Variants in LRP1B observed in about 807,000 individuals in gnomAD.
LRP1B encodes the protein LDL receptor related protein 1B.
A neutral mutation model predicts 556.6 loss-of-function variants in LRP1B; 217 were observed. The ratio of observed to expected loss-of-function variants is 0.39; its 90% CI spans 0.35 to 0.44. LRP1B has a LOEUF of 0.44. Among genes scored for constraint, LRP1B ranks in the 20% least tolerant of loss-of-function variants. The pLI is 1.00. For missense variants in LRP1B, 5,053 were observed against 5,620.8 expected (o/e 0.90, Z 3.23); for synonymous variants, 2,047 against 1,865.8 (o/e 1.10, Z -2.50).
At chr2:140,246,457 A>G (rs1251062066) in intron 87 of LRP1B, among the ~76,000 whole-genome samples, 1 of 151,430 alleles carries the variant, frequency 6.6e-6, no homozygotes, top group Non-Finnish European at 1.5e-5. Context: ...AACTGTACAC[A>G]GACACACAAC....
rs1312300323 is a variant in LRP1B, at chr2:141,185,678, AC to A, written c.1013+2742del. Among the ~76,000 whole-genome samples, 5 of 70,932 alleles carry A rather than the reference AC, an allele frequency of 7.0e-5. No homozygotes were observed. The East Asian group carries it at 1.6e-3, about 23-fold the overall frequency. 46.5% of individuals were successfully genotyped at this position (70,932 alleles called of 152,430 possible). The stretch of plus-strand genomic sequence containing the variant: ...TATTTAAACCATGGAGAACTGAAAA[AC>A]AAACAAACAAAAAAAAACAAAAAAA... On this transcript the variant is annotated intron_variant, in intron 7 of 90. Transcript: ENST00000389484.
At chr2:141,776,454 T>C (rs16847146) in intron 2 of LRP1B, among the ~76,000 whole-genome samples, 32,105 of 152,136 alleles carry the variant, frequency 0.21, 3,712 homozygotes, top group African/African-American at 0.32. Flanking sequence ...ATTAATATGA[T>C]ATTGTTTTGT....
At chr2:141,398,604 A>G (rs1041960562) in intron 3 of LRP1B, among the ~76,000 whole-genome samples, 2 of 152,202 alleles carry the variant, frequency 1.3e-5, no homozygotes, top group Non-Finnish European at 2.9e-5. Flanking sequence ...CTCTGTGGCT[A>G]ACATGAGACT....
chr2:141,753,764 C>T (rs1436824388), intron 2 of LRP1B, among the ~76,000 whole-genome samples: 1 of 152,118 alleles, frequency 6.6e-6, no homozygotes, highest in African/African-American at 2.4e-5. Context: ...GCTAAAGTTG[C>T]CCCTCAGTGC....
intron 66 of LRP1B, among the ~76,000 whole-genome samples, chr2:140,388,095 C>T (rs569583562): frequency 1.3e-5 from 2 of 152,144 alleles, no homozygotes; most frequent in East Asian, 3.9e-4. Flanking sequence ...CGCCACCATA[C>T]CCGGCTAATT....
intron 19 of LRP1B, among the ~76,000 whole-genome samples, chr2:140,950,774 G>A (rs1293500674): frequency 6.6e-6 from 1 of 151,748 alleles, no homozygotes; most frequent in East Asian, 1.9e-4. Flanking sequence ...TTATAGACGT[G>A]AGCCACTGTG....
chr2:141,517,635 T>G (rs1388851030), intron 2 of LRP1B, among the ~76,000 whole-genome samples: 1 of 152,124 alleles, frequency 6.6e-6, no homozygotes, highest in African/African-American at 2.4e-5. Context: ...AAAAAATAAA[T>G]AACATTGTAA....
At chr2:140,593,480 T>C (rs1682309054) in intron 43 of LRP1B, among the ~76,000 whole-genome samples, 2 of 152,092 alleles carry the variant, frequency 1.3e-5, no homozygotes, top group Non-Finnish European at 2.9e-5. Flanking sequence ...AAAGAAACAT[T>C]ACAGAATTAT....
rs182108418 is a variant in LRP1B, at chr2:141,554,843, C to G, written c.206-74310G>C. Among the ~76,000 whole-genome samples the G allele has an allele frequency of 2.8e-3, 420 of 152,048 alleles. 1 individual carries two copies. The highest frequency in any genetic ancestry group is 4.5e-3 in the Admixed American group (68 of 15,216). ...GACCTGCAGCACCTGCATCACTGTG[C>G]TTGTTAGGAATGCAAATTCTTGAGT... On this transcript the variant is annotated intron_variant, in intron 2 of 90. Coordinates refer to ENST00000389484, the MANE Select transcript of LRP1B (RefSeq NM_018557.3).
chr2:141,438,173 A>C (rs772407186), intron 3 of LRP1B, among the ~76,000 whole-genome samples: 12 of 152,136 alleles, frequency 7.9e-5, no homozygotes, highest in Non-Finnish European at 8.8e-5. Flanking sequence ...GAGTTTAAAC[A>C]TATCAGGATA....
Position 141,062,239 on chromosome 2 carries a change from T to C in LRP1B, c.1048A>G (p.Lys350Glu), listed in dbSNP as rs767058048. Residue 350 changes from lysine to glutamate, a missense_variant, in exon 8 of 91, where the codon AAA (lysine) becomes GAA (glutamate). This residue lies in a region of LRP1B where 3,619 missense variants were observed against 3,931.9 expected (regional missense o/e 0.92). Transcript: ENST00000389484. ...LFFTDYGNVA[K>E]VERCDMDGMN... is the part of the protein sequence containing the mutation. ...CCATCCATGTCACATCTCTCCACTT[T>C]GGCGACATTCCCGTAGTCAGTAAAG... 4.4e-5 allele frequency: 71 copies of C among 1,610,970 alleles called. No individual in the cohort carries two copies. In the Admixed American group the frequency reaches 1.2e-3, roughly 27 times the overall value.
At position 141,324,028 on chromosome 2, in the gene LRP1B, CCACACACA is replaced by C. The variant is rs57105906; in HGVS notation, c.344-69395_344-69388del. On this transcript the variant is annotated intron_variant, in intron 3 of 90. Transcript: ENST00000389484. ...ACACACACACACCTGAACAAGGAAA[CCACACACA>C]CACACACACACACACACACACACCT... Among the ~76,000 whole-genome samples the C allele has an allele frequency of 9.9e-3, 1,116 of 113,118 alleles. 17 individuals are homozygous for C. Among genetic ancestry groups the C allele is most frequent in the African/African-American group, 0.031 (900 of 28,584 alleles). The allele number at this position is 113,118 out of a possible 152,430, so 74.2% of individuals were successfully genotyped here. A position where few individuals can be genotyped will look rare whatever the true frequency, so the allele number is the denominator to read the frequency against.
chr2:140,752,322 CTTTTT>C (rs34686176), intron 35 of LRP1B, among the ~76,000 whole-genome samples: 1 of 135,996 alleles, frequency 7.4e-6, no homozygotes, highest in Non-Finnish European at 1.5e-5. Context: ...ACTTAAAATA[CTTTTT>C]TTTTTTTTTT....
chr2:140,998,078 A>G (rs184290528), intron 15 of LRP1B, among the ~76,000 whole-genome samples: 43 of 152,152 alleles, frequency 2.8e-4, no homozygotes, highest in African/African-American at 9.4e-4. Context: ...TGTCACAGCC[A>G]AGCAGATAAA....
At chr2:140,674,314 A>G (rs1328542060) in intron 41 of LRP1B, among the ~76,000 whole-genome samples, 2 of 152,178 alleles carry the variant, frequency 1.3e-5, no homozygotes, top group Non-Finnish European at 2.9e-5. Context: ...CTCTTTCTCC[A>G]TTCAGGCCCT....
At chr2:140,634,795 A>T (rs922022454) in intron 41 of LRP1B, among the ~76,000 whole-genome samples, 1 of 152,110 alleles carries the variant, frequency 6.6e-6, no homozygotes. Context: ...TAAGCCATCA[A>T]AAACAAGGAA....
intron 1 of LRP1B, among the ~76,000 whole-genome samples, chr2:141,826,452 T>C (rs532040653): frequency 2.1e-3 from 303 of 142,742 alleles, no homozygotes; most frequent in Non-Finnish European, 3.2e-3. Flanking sequence ...CTCCGCCTCC[T>C]GGGTTCACGC....
At chr2:140,820,922 AAAAAAG>A (rs1691306938) in intron 31 of LRP1B, among the ~76,000 whole-genome samples, 1 of 151,758 alleles carries the variant, frequency 6.6e-6, no homozygotes, top group South Asian at 2.1e-4. Flanking sequence ...TAAAAAAAAA[AAAAAAG>A]TATTTTTTTT....
intron 35 of LRP1B, among the ~76,000 whole-genome samples, chr2:140,760,229 T>G (rs1320933515): frequency 6.6e-6 from 1 of 152,054 alleles, no homozygotes; most frequent in Non-Finnish European, 1.5e-5. Context: ...TAATCTTAGA[T>G]TTTGCCCTGC....
Sources: allele counts gnomAD v4.1 joint callset (sites outside exome capture counted in the v4.1 genomes callset), GRCh38; gene constraint gnomAD v4.1.1; regional missense constraint gnomAD v4.1.1; transcripts MANE v1.5; gene names NCBI Gene and HGNC (gene_info 2026-07-23, HGNC 2026-07-21).